Variants in ARHGAP26 observed in about 807,000 individuals in gnomAD.
ARHGAP26 encodes the protein rho GTPase-activating protein 26.
ARHGAP26 carries 38 observed loss-of-function variants against 104.8 expected under a neutral mutation model. That is an observed-to-expected ratio of 0.36 (90% CI 0.28 to 0.48). The LOEUF is 0.48. ARHGAP26 is among the 20% of genes least tolerant of loss of function. The pLI is 0.99. For missense variants in ARHGAP26, 704 were observed against 947.9 expected, an observed-to-expected ratio of 0.74 and a Z score of 3.38; for synonymous variants, 341 against 340.0, an observed-to-expected ratio of 1.00 and a Z score of -0.03.
At chr5:142,834,006 G>A (rs946826727) in intron 1 of ARHGAP26, among the ~76,000 whole-genome samples, 1 of 152,290 alleles carries the variant, frequency 6.6e-6, no homozygotes, top group Non-Finnish European at 1.5e-5. Flanking sequence ...GCCATGTTCA[G>A]TTTTAAACTA....
intron 11 of ARHGAP26, among the ~76,000 whole-genome samples, chr5:142,968,097 CCA>C (rs1771688296): frequency 6.6e-6 from 1 of 152,200 alleles, no homozygotes; most frequent in South Asian, 2.1e-4. Context: ...TATTCCTCCA[CCA>C]CCATTACCAC....
intron 12 of ARHGAP26, among the ~76,000 whole-genome samples, chr5:143,022,157 C>A (rs60683606): frequency 1.3e-5 from 2 of 152,034 alleles, no homozygotes; most frequent in African/African-American, 4.8e-5. Flanking sequence ...CTGCAACCTC[C>A]GCCTCCTGGG....
chr5:143,043,031 A>G (rs150862036), intron 14 of ARHGAP26, among the ~76,000 whole-genome samples: 89 of 152,350 alleles, frequency 5.8e-4, no homozygotes, highest in Non-Finnish European at 9.8e-4. Context: ...AAGAAATAAT[A>G]TAGAGATCCT....
At chr5:143,142,461 G>C (rs1044778443) in intron 19 of ARHGAP26, among the ~76,000 whole-genome samples, 1 of 151,710 alleles carries the variant, frequency 6.6e-6, no homozygotes, top group East Asian at 1.9e-4. Context: ...TCAATGTATA[G>C]AGTCTATCAT....
chr5:142,903,815 G>A, intron 8 of ARHGAP26, 146 bp downstream of exon 8: 1 of 864,678 alleles, frequency 1.2e-6, no homozygotes, highest in East Asian at 3.0e-5. Context: ...CAAAGAGAAA[G>A]ATGATGTCCA....
At chr5:143,008,976 C>T (rs189184400) in intron 11 of ARHGAP26, among the ~76,000 whole-genome samples, 17 of 152,246 alleles carry the variant, frequency 1.1e-4, no homozygotes, top group East Asian at 5.8e-4. Context: ...AGGCTTTCCT[C>T]GCCCTCCTTT....
intron 4 of ARHGAP26, among the ~76,000 whole-genome samples, chr5:142,881,431 G>T (rs1269428591): frequency 6.6e-6 from 1 of 152,104 alleles, no homozygotes; most frequent in Non-Finnish European, 1.5e-5. Context: ...CGGCGGCTGG[G>T]GGGTGGTATA....
chr5:143,061,337 T>A (rs1485217743), intron 17 of ARHGAP26, among the ~76,000 whole-genome samples: 1 of 152,252 alleles, frequency 6.6e-6, no homozygotes, highest in Non-Finnish European at 1.5e-5. Context: ...AATGTTTACA[T>A]ATTATGACTC....
rs1754982398 is a variant in ARHGAP26, at chr5:142,770,549, G to A, written c.-213G>A. Reference sequence around the variant, plus strand: ...CTGCTCGCGATCCGCTCCGTTGCCCGCGCCCGGAACAGCAGCACCTCGGCC... The same window carrying A: ...CTGCTCGCGATCCGCTCCGTTGCCCACGCCCGGAACAGCAGCACCTCGGCC... On this transcript the variant is annotated 5_prime_UTR_variant, in exon 1 of 23. Transcript: ENST00000645722. 4.7e-6 allele frequency: 1 copy of A among 214,578 alleles called. No individual in the cohort carries two copies. Among genetic ancestry groups the A allele is most frequent in the Non-Finnish European group, 8.8e-6 (1 of 113,402 alleles). The allele number at this position is 214,578 out of a possible 1,614,324, so 13.3% of individuals were successfully genotyped here.
intron 20 of ARHGAP26, among the ~76,000 whole-genome samples, chr5:143,198,334 T>C (rs1286473325): frequency 6.6e-6 from 1 of 152,236 alleles, no homozygotes; most frequent in Non-Finnish European, 1.5e-5. Context: ...TTTAGTGTTT[T>C]CTTACAAATA....
chr5:143,138,880 G>T (rs1798199325), intron 19 of ARHGAP26, among the ~76,000 whole-genome samples: 2 of 152,166 alleles, frequency 1.3e-5, no homozygotes, highest in East Asian at 1.9e-4. Context: ...TACGCTCAGG[G>T]TTACACGGCA....
At chr5:143,169,856 C>T (rs910031303) in intron 20 of ARHGAP26, 1 of 152,220 alleles carries the variant, frequency 6.6e-6, no homozygotes, top group Non-Finnish European at 1.5e-5. Context: ...ATTTGTACTG[C>T]TTTCTTTCCC....
intron 1 of ARHGAP26, among the ~76,000 whole-genome samples, chr5:142,868,251 A>C (rs896074806): frequency 1.3e-5 from 2 of 152,154 alleles, no homozygotes; most frequent in African/African-American, 4.8e-5. Flanking sequence ...ATGTGGTGGC[A>C]GGTAGGAGTT....
intron 15 of ARHGAP26, among the ~76,000 whole-genome samples, chr5:143,054,970 C>G (rs918498071): frequency 6.6e-5 from 10 of 152,170 alleles, no homozygotes; most frequent in Admixed American, 5.2e-4. Flanking sequence ...AATGGAACTC[C>G]TTTTTGACTC....
chr5:143,112,155 A>G lies in ARHGAP26; in HGVS notation c.1539-8833A>G, dbSNP rs1794857342. Among the ~76,000 whole-genome samples, 3 of 152,240 alleles carry G rather than the reference A, an allele frequency of 2.0e-5. No individual in the cohort carries two copies. The South Asian group carries it at 6.2e-4, about 31-fold the overall frequency. On this transcript the variant is annotated intron_variant, in intron 17 of 22. Transcript: ENST00000645722. The stretch of plus-strand genomic sequence containing the variant: ...ATGAATGGTGGTATATTTATAATTC[A>G]GTAAGTACCAGAAAAGAGAATTGAA...
chr5:143,126,222 A>G (rs1796710774), intron 18 of ARHGAP26, among the ~76,000 whole-genome samples: 1 of 152,194 alleles, frequency 6.6e-6, no homozygotes, highest in Admixed American at 6.5e-5. Flanking sequence ...AAGAGTAGAG[A>G]TAGGAGGGAC....
intron 18 of ARHGAP26, among the ~76,000 whole-genome samples, chr5:143,121,488 C>T (rs1562464697): frequency 6.6e-6 from 1 of 152,130 alleles, no homozygotes; most frequent in Non-Finnish European, 1.5e-5. Context: ...TCTTATGAAC[C>T]TCATTTTGGA....
At chr5:142,931,944 T>C (rs712177) in intron 10 of ARHGAP26, 103 bp from the exon 11 acceptor site, 425,169 of 1,082,050 alleles carry the variant, frequency 0.39, 99,801 homozygotes, top group East Asian at 0.91. Context: ...GTTGTTAACC[T>C]TAGCAGCCAC....
chr5:142,869,032 G>A (rs149638117), intron 1 of ARHGAP26: 174 of 154,656 alleles, frequency 1.1e-3, no homozygotes, highest in African/African-American at 3.3e-3. Context: ...ACAAGGTGAT[G>A]AGGCACAGAG....
Sources: gnomAD v4.1 joint callset for allele counts (sites outside exome capture counted in the v4.1 genomes callset) on GRCh38, gnomAD v4.1.1 for gene constraint, MANE v1.5 for transcripts, NCBI Gene and HGNC (gene_info 2026-07-23, HGNC 2026-07-21) for gene names.